Variants in COPS2 observed in about 807,000 individuals in gnomAD.
The protein encoded by COPS2 is COP9 signalosome complex subunit 2.
A neutral mutation model predicts 66.1 loss-of-function variants in COPS2; 10 were observed. That is an observed-to-expected ratio of 0.15 (90% CI 0.09 to 0.26). The LOEUF (loss-of-function observed/expected upper bound fraction) is 0.26. Ranked by LOEUF, COPS2 falls within the 10% of genes least tolerant of loss-of-function variation. The pLI, the probability that COPS2 is intolerant of heterozygous loss-of-function variation, is 1.00. For synonymous variants in COPS2, 179 were observed against 171.3 expected, an observed-to-expected ratio of 1.04 and a Z score of -0.35; for missense variants, 215 against 513.3, an observed-to-expected ratio of 0.42 and a Z score of 5.62.
At chr15:49,154,167 TA>T (rs1367125452) in intron 1 of COPS2, among the ~76,000 whole-genome samples, 1 of 151,732 alleles carries the variant, frequency 6.6e-6, no homozygotes, top group African/African-American at 2.4e-5. Flanking sequence ...ATGAATCAAT[TA>T]AAAAAATACA....
At chr15:49,153,697 T>A (rs1490426060) in intron 1 of COPS2, among the ~76,000 whole-genome samples, 2 of 152,240 alleles carry the variant, frequency 1.3e-5, no homozygotes, top group Admixed American at 1.3e-4. Flanking sequence ...CATAATGGAA[T>A]ATTATTTGAC....
At position 49,140,397 on chromosome 15, in the gene COPS2, T is replaced by C. The variant is rs574511341; in HGVS notation, c.247-744A>G. Among the ~76,000 whole-genome samples the C allele has an allele frequency of 3.3e-5, 5 of 152,288 alleles. No homozygotes were observed. The South Asian group carries it at 8.3e-4, about 25-fold the overall frequency. On this transcript the variant is annotated intron_variant, in intron 3 of 12. Coordinates refer to ENST00000388901, the MANE Select transcript of COPS2 (RefSeq NM_004236.4). ...TCCTCAGGAAGCTCTGCAATAAGAG[T>C]TACCTGTTTCTTTTCTCCCTACAAC...
rs2084135946 is a variant in COPS2, at chr15:49,122,892, C to G, written c.*5058G>C. The G allele has an allele frequency of 6.6e-6, 1 of 152,188 alleles. No homozygotes were observed. Among genetic ancestry groups the G allele is most frequent in the South Asian group, 2.1e-4 (1 of 4,836 alleles). 9.4% of individuals were successfully genotyped at this position (152,188 alleles called of 1,614,324 possible). A position where few individuals can be genotyped will look rare whatever the true frequency, so the allele number is the denominator to read the frequency against. On this transcript the variant is annotated 3_prime_UTR_variant, in exon 13 of 13. Coordinates refer to ENST00000388901, the MANE Select transcript of COPS2 (RefSeq NM_004236.4). The stretch of plus-strand genomic sequence containing the variant: ...ACCATTTCAGGCAGACATCCTGTTA[C>G]ATTCCTAATCACCTACTACTTCCTT...
Position 49,125,768 on chromosome 15 carries a change from A to G in COPS2, c.*2182T>C, listed in dbSNP as rs1035957528. 2.6e-5 allele frequency: 4 copies of G among 152,150 alleles called. No homozygotes were observed. The highest frequency in any genetic ancestry group is 9.6e-5 in the African/African-American group (4 of 41,476). The allele number at this position is 152,150 out of a possible 1,614,324, so 9.4% of individuals were successfully genotyped here. On this transcript the variant is annotated 3_prime_UTR_variant, in exon 13 of 13. Transcript: ENST00000388901. ...AAACAAAGCTATGTAATACACAATT[A>G]CAATAAATTATTATGGTATAACTTT... is the stretch of plus-strand genomic sequence containing the variant.
At chr15:49,148,309 A>G (rs1479698354) in intron 1 of COPS2, among the ~76,000 whole-genome samples, 1 of 152,170 alleles carries the variant, frequency 6.6e-6, no homozygotes, top group East Asian at 1.9e-4. Context: ...ATAATATAAT[A>G]TAATATAAGC....
chr15:49,126,124 A>G lies in COPS2; in HGVS notation c.*1826T>C, dbSNP rs2141120185. ...CCTAATTAATATCACTCTTGTAAAA[A>G]AAGTTTAGCACACTTTTCACAAATG... On this transcript the variant is annotated 3_prime_UTR_variant, in exon 13 of 13. Transcript: ENST00000388901. 6.6e-6 allele frequency: 1 copy of G among 152,638 alleles called. No homozygotes were observed. The highest frequency in any genetic ancestry group is 2.1e-4 in the South Asian group (1 of 4,832). The allele number at this position is 152,638 out of a possible 1,614,324, so 9.5% of individuals were successfully genotyped here.
chr15:49,127,310 C>T lies in COPS2; in HGVS notation c.*640G>A, dbSNP rs2084175067. On this transcript the variant is annotated 3_prime_UTR_variant, in exon 13 of 13. Transcript: ENST00000388901. ...TCGAAGGTACTAAAAAACAAAACAA[C>T]TCCAAATGTAATAAAAACACATCAA... 2.0e-5 allele frequency: 3 copies of T among 152,556 alleles called. No individual in the cohort carries two copies. Among genetic ancestry groups the T allele is most frequent in the African/African-American group, 7.2e-5 (3 of 41,428 alleles). 9.5% of individuals were successfully genotyped at this position (152,556 alleles called of 1,614,324 possible).
chr15:49,147,174 C>CAT (rs1298367212), intron 1 of COPS2, among the ~76,000 whole-genome samples: 1 of 152,102 alleles, frequency 6.6e-6, no homozygotes, highest in African/African-American at 2.4e-5. Context: ...ACAGATTTAC[C>CAT]ATATATGATT....
At position 49,127,928 on chromosome 15, in the gene COPS2, G is replaced by A. The variant is rs551528687; in HGVS notation, c.*22C>T. On this transcript the variant is annotated 3_prime_UTR_variant, in exon 13 of 13. Coordinates refer to ENST00000388901, the MANE Select transcript of COPS2 (RefSeq NM_004236.4). ...ATCTCTGCACTGTTGCCTTAAGGAC[G>A]TCTGTAAAAGCTTGTTCTCTGTTAA... The A allele has an allele frequency of 2.7e-5, 44 of 1,612,120 alleles. No homozygotes were observed. Among genetic ancestry groups the A allele is most frequent in the Admixed American group, 1.7e-4 (10 of 59,860 alleles).
chr15:49,126,594 GA>G lies in COPS2; in HGVS notation c.*1355del, dbSNP rs1324144317. 4 of 152,208 alleles carry G rather than the reference GA, an allele frequency of 2.6e-5. No homozygotes were observed. The highest frequency in any genetic ancestry group is 1.3e-4 in the Admixed American group (2 of 15,248). The allele number at this position is 152,208 out of a possible 1,614,324, so 9.4% of individuals were successfully genotyped here. On this transcript the variant is annotated 3_prime_UTR_variant, in exon 13 of 13. Coordinates refer to ENST00000388901, the MANE Select transcript of COPS2 (RefSeq NM_004236.4). The stretch of plus-strand genomic sequence containing the variant: ...TCCTTTCGACACTATAAAATAATGT[GA>G]ACTTTTTAAAAAATGAAACAAATAC...
intron 1 of COPS2, among the ~76,000 whole-genome samples, chr15:49,146,189 A>C (rs1056899319): frequency 2.0e-5 from 3 of 152,126 alleles, no homozygotes; most frequent in African/African-American, 7.2e-5. Flanking sequence ...GTGGCTTTGT[A>C]ATGTGCGCCC....
chr15:49,133,860 T>C (rs1223283985), intron 8 of COPS2, 49 bp from the exon 9 acceptor site: 2 of 1,544,502 alleles, frequency 1.3e-6, no homozygotes, highest in Admixed American at 2.1e-5. Flanking sequence ...AGAAACAACA[T>C]TTTAAAAAAA....
chr15:49,126,231 T>C lies in COPS2; in HGVS notation c.*1719A>G, dbSNP rs2084164948. ...TACCATAGACATTTTGTCTTTTGTT[T>C]TCTTTCCGTTTTCTACAATTTCCAA... On this transcript the variant is annotated 3_prime_UTR_variant, in exon 13 of 13. Coordinates refer to ENST00000388901, the MANE Select transcript of COPS2 (RefSeq NM_004236.4). 6.6e-6 allele frequency: 1 copy of C among 152,536 alleles called. No homozygotes were observed. Among genetic ancestry groups the C allele is most frequent in the East Asian group, 1.9e-4 (1 of 5,206 alleles). 9.4% of individuals were successfully genotyped at this position (152,536 alleles called of 1,614,324 possible). A position where few individuals can be genotyped will look rare whatever the true frequency, so the allele number is the denominator to read the frequency against.
At chr15:49,148,751 A>C (rs984589397) in intron 1 of COPS2, among the ~76,000 whole-genome samples, 12 of 152,228 alleles carry the variant, frequency 7.9e-5, no homozygotes, top group African/African-American at 2.9e-4. Flanking sequence ...AATAAGGAGA[A>C]AAGTTAGGGG....
intron 3 of COPS2, among the ~76,000 whole-genome samples, chr15:49,143,428 A>G (rs1196658908): frequency 6.6e-6 from 1 of 152,184 alleles, no homozygotes; most frequent in East Asian, 1.9e-4. Flanking sequence ...ACCAGTTAAG[A>G]GGCTATCTCA....
rs959751246 is a variant in COPS2, at chr15:49,125,354, T to C, written c.*2596A>G. On this transcript the variant is annotated 3_prime_UTR_variant, in exon 13 of 13. Coordinates refer to ENST00000388901, the MANE Select transcript of COPS2 (RefSeq NM_004236.4). ...AGTAATGGAAATCCAGCTCTTGTAG[T>C]AGAGAGCATCTACTTGTGGCAGCCA... 3 of 152,140 alleles carry C rather than the reference T, an allele frequency of 2.0e-5. No individual in the cohort carries two copies. The highest frequency in any genetic ancestry group is 4.8e-5 in the African/African-American group (2 of 41,460). 9.4% of individuals were successfully genotyped at this position (152,140 alleles called of 1,614,324 possible).
Position 49,155,554 on chromosome 15 carries a change from T to C in COPS2, c.25A>G (p.Met9Val), listed in dbSNP as rs757080604. 1.2e-6 allele frequency: 2 copies of C among 1,614,012 alleles called. No individual in the cohort carries two copies. The highest frequency in any genetic ancestry group is 1.7e-6 in the Non-Finnish European group (2 of 1,180,004). Residue 9 changes from methionine (M) to valine (V), a missense_variant, in exon 1 of 13, where the codon ATG becomes GTG. By Grantham distance (21) the Met-to-Val change is conservative. This residue lies in a region of COPS2 where 27 missense variants were observed against 21.5 expected (regional missense o/e 1.25). Coordinates refer to ENST00000388901, the MANE Select transcript of COPS2 (RefSeq NM_004236.4). The stretch of plus-strand genomic sequence containing the variant: ...TCGTAGTCCTCCTCATCATCGCACA[T>C]GAAATCATCCTCCATGTCAGACATC... MSDMEDDFMCDDEEDYDLE... is the reference protein window; with the variant it reads MSDMEDDFVCDDEEDYDLE...
At chr15:49,152,141 C>A (rs2084366759) in intron 1 of COPS2, among the ~76,000 whole-genome samples, 4 of 139,262 alleles carry the variant, frequency 2.9e-5, no homozygotes, top group South Asian at 2.3e-4. Flanking sequence ...GAAAACAAGT[C>A]AATTACGCAC....
rs569267660 is a variant in COPS2 at position 49,150,065 on chromosome 15, C to T, written c.55-4987G>A. 1.5e-4 allele frequency among the ~76,000 whole-genome samples: 23 copies of T among 152,014 alleles called. No individual in the cohort carries two copies. In the South Asian group the frequency reaches 4.8e-3, roughly 32 times the overall value. The stretch of plus-strand genomic sequence containing the variant: ...ATCCCAGCACTTTGGGAGGCGGAGG[C>T]AGGTGGATCACCAGGAGTTCGAGAC... On this transcript the variant is annotated intron_variant, in intron 1 of 12. Transcript: ENST00000388901.
Sources: gnomAD v4.1 joint callset for allele counts (sites outside exome capture counted in the v4.1 genomes callset) on GRCh38, gnomAD v4.1.1 for gene constraint, gnomAD v4.1.1 regional missense constraint, MANE v1.5 for transcripts, NCBI Gene and HGNC (gene_info 2026-07-23, HGNC 2026-07-21) for gene names.